PTGDS: variants seen among roughly 807,000 people sequenced by gnomAD.
PTGDS encodes prostaglandin D2 synthase.
A neutral mutation model predicts 28.4 loss-of-function variants in PTGDS; 21 were observed. The observed-to-expected ratio is 0.74, with a 90% CI of 0.52 to 1.07. The LOEUF (loss-of-function observed/expected upper bound fraction) is 1.07, where lower values mean the gene tolerates loss of function less well. Among genes scored for constraint, PTGDS ranks in the 50% least tolerant of loss-of-function variants. The pLI is 0.00. For missense variants in PTGDS, 243 were observed against 247.7 expected (o/e 0.98, Z 0.13); for synonymous variants, 102 against 106.0 (o/e 0.96, Z 0.23).
At chr9:136,981,028 C>T (rs774729098) in intron 6 of PTGDS, 173 bp downstream of exon 6, 3 of 915,068 alleles carry the variant, frequency 3.3e-6, no homozygotes, top group Non-Finnish European at 4.8e-6. Context: ...TGGGGCTGCC[C>T]ACATTGATGG....
intron 1 of PTGDS, 44 bp downstream of exon 1, chr9:136,977,736 G>C: frequency 6.7e-7 from 1 of 1,484,146 alleles, no homozygotes; most frequent in South Asian, 1.2e-5. Flanking sequence ...ACAGGACCCT[G>C]TCAGGGGAAG....
At chr9:136,979,356 A>T (rs770402190) in intron 3 of PTGDS, 57 bp downstream of exon 3, 9 of 1,586,342 alleles carry the variant, frequency 5.7e-6, no homozygotes. Flanking sequence ...ACTTGCCGGG[A>T]CGACTCTGGG....
chr9:136,978,330 G>T (rs1830399793), intron 1 of PTGDS, among the ~76,000 whole-genome samples: 1 of 151,958 alleles, frequency 6.6e-6, no homozygotes, highest in Non-Finnish European at 1.5e-5. Flanking sequence ...GGGGGCGGAG[G>T]GGCCGAAGCT....
chr9:136,977,572 CAGG>C lies in PTGDS; in HGVS notation c.-4_-2del, dbSNP rs1396363912. 7 of 1,585,546 alleles carry C rather than the reference CAGG, an allele frequency of 4.4e-6. No homozygotes were observed. The highest frequency in any genetic ancestry group is 6.0e-6 in the Non-Finnish European group (7 of 1,164,562). On this transcript the variant is annotated 5_prime_UTR_variant, in exon 1 of 7. Transcript: ENST00000371625. ...CAGGCCCCGGACACCCGCTCTGCTG[CAGG>C]AGAATGGCTACTCATCACACACTGT... is the stretch of plus-strand genomic sequence containing the variant.
chr9:136,980,357 G>C, intron 5 of PTGDS, 73 bp downstream of exon 5: 1 of 1,502,792 alleles, frequency 6.7e-7, no homozygotes, highest in Non-Finnish European at 9.1e-7. Flanking sequence ...CCTGACTGGG[G>C]GAGGCAGAGG....
chr9:136,980,852 A>C lies in PTGDS; in HGVS notation c.570A>C (p.Gln190His). The C allele has an allele frequency of 1.2e-6, 2 of 1,605,946 alleles. No homozygotes were observed. The highest frequency in any genetic ancestry group is 1.7e-6 in the Non-Finnish European group (2 of 1,176,276). ...TGGCAGATAAGTGCATGACGGAACA[A>C]TAGGTGAGCCACTCCATTCATTCAT... ...LPQTDKCMTE[Q>H] The change falls in exon 6 of 7, where the codon CAA becomes CAC. Residue 190 changes from glutamine to histidine, a missense_variant. Gln to His is a conservative substitution (Grantham distance 24). Coordinates refer to ENST00000371625, the MANE Select transcript of PTGDS (RefSeq NM_000954.6).
chr9:136,979,948 T>G lies in PTGDS; in HGVS notation c.334T>G (p.Trp112Gly). ...AGGGTTGTCTCTTGGGTTCCCAGAC[T>G]GGGGCAGCACCTACTCCGTGTCAGT... ...LGSYSYRSPH[W>G]GSTYSVSVVE... Residue 112 changes from tryptophan to glycine, a missense_variant and splice_region_variant, in exon 4 of 7, where the codon TGG becomes GGG. Physicochemically the swap from Trp to Gly is radical, Grantham distance 184 (BLOSUM62 -2). Transcript: ENST00000371625. 1 of 1,613,128 alleles carries G rather than the reference T, an allele frequency of 6.2e-7. No homozygotes were observed. The highest frequency in any genetic ancestry group is 8.5e-7 in the Non-Finnish European group (1 of 1,179,816).
chr9:136,978,493 C>T (rs1397802151), intron 1 of PTGDS, among the ~76,000 whole-genome samples: 1 of 110,748 alleles, frequency 9.0e-6, no homozygotes, highest in African/African-American at 3.5e-5. Flanking sequence ...GCGTGGTCAT[C>T]TCCTGGGGCG....
chr9:136,978,172 C>A (rs1423046833), intron 1 of PTGDS, among the ~76,000 whole-genome samples: 1 of 152,134 alleles, frequency 6.6e-6, no homozygotes, highest in East Asian at 1.9e-4. Context: ...CGGGTCCCCG[C>A]GCCGCGCGCC....
At position 136,979,240 on chromosome 9, in the gene PTGDS, C is replaced by A. The variant is rs778955025; in HGVS notation, c.272C>A (p.Thr91Asn). The change falls in exon 3 of 7, where the codon ACC becomes AAC. Residue 91 changes from threonine (T) to asparagine (N), a missense_variant. Physicochemically the swap from Thr to Asn is moderately conservative, Grantham distance 65. Coordinates refer to ENST00000371625, the MANE Select transcript of PTGDS (RefSeq NM_000954.6). ...ACCTACAGGAAAAACCAGTGTGAGA[C>A]CCGAACCATGCTGCTGCAGCCCGCG... ...STFLRKNQCE[T>N]RTMLLQPAGS... 6.2e-7 allele frequency: 1 copy of A among 1,612,996 alleles called. No homozygotes were observed. The highest frequency in any genetic ancestry group is 8.5e-7 in the Non-Finnish European group (1 of 1,179,846).
At chr9:136,979,533 C>A in intron 3 of PTGDS, 1 of 1,320,362 alleles carries the variant, frequency 7.6e-7, no homozygotes, top group Non-Finnish European at 1.0e-6. Flanking sequence ...ATTGTCTTGT[C>A]AGGCCCCTTC....
At chr9:136,977,735 T>C in intron 1 of PTGDS, 43 bp downstream of exon 1, 2 of 1,488,876 alleles carry the variant, frequency 1.3e-6, no homozygotes, top group Middle Eastern at 1.7e-4. Flanking sequence ...TACAGGACCC[T>C]GTCAGGGGAA....
chr9:136,980,532 T>TG (rs1830436249), intron 5 of PTGDS: 2 of 1,009,438 alleles, frequency 2.0e-6, no homozygotes, highest in Admixed American at 2.9e-5. Context: ...TCCCAGGATG[T>TG]GGGGCTTCAG....
At chr9:136,979,844 G>A (rs972602024) in intron 3 of PTGDS, 102 bp from the exon 4 acceptor site, 95 of 1,130,196 alleles carry the variant, frequency 8.4e-5, no homozygotes, top group Non-Finnish European at 1.2e-4. Context: ...GGCCAGCCGA[G>A]GGGCTGAGTG....
Position 136,979,056 on chromosome 9 carries a change from G to A in PTGDS, c.178G>A (p.Ala60Thr). ...CTCGAGCTGGCTCCGGGAGAAGAAG[G>A]CGGCGTTGTCCATGTGCAAGTCTGT... Reference protein sequence around the residue: ...SNSSWLREKKAALSMCKSVVA... With the variant: ...SNSSWLREKKTALSMCKSVVA... The change falls in exon 2 of 7, where the codon GCG becomes ACG. Residue 60 changes from alanine (A) to threonine (T), a missense_variant. Coordinates refer to ENST00000371625, the MANE Select transcript of PTGDS (RefSeq NM_000954.6). 6.2e-7 allele frequency: 1 copy of A among 1,608,874 alleles called. No individual in the cohort carries two copies. The highest frequency in any genetic ancestry group is 2.2e-5 in the East Asian group (1 of 44,806).
At chr9:136,980,146 C>A in intron 4 of PTGDS, 37 bp from the exon 5 acceptor site, 3 of 1,611,116 alleles carry the variant, frequency 1.9e-6, no homozygotes, top group Non-Finnish European at 2.5e-6. Flanking sequence ...ACAGCATCCC[C>A]CCCGCTGAGG....
chr9:136,979,078 C>T lies in PTGDS; in HGVS notation c.200C>T (p.Ser67Phe). The change falls in exon 2 of 7, where the codon TCT (serine) becomes TTT (phenylalanine). Residue 67 changes from serine (S) to phenylalanine (F), a missense_variant. Ser to Phe is a radical substitution (Grantham distance 155, BLOSUM62 -2). Coordinates refer to ENST00000371625, the MANE Select transcript of PTGDS (RefSeq NM_000954.6). Reference sequence around the variant, plus strand: ...AAGGCGGCGTTGTCCATGTGCAAGTCTGTGGTGGCCCCTGCCACGGATGGT... The same window carrying T: ...AAGGCGGCGTTGTCCATGTGCAAGTTTGTGGTGGCCCCTGCCACGGATGGT... The part of the protein sequence containing the change: ...EKKAALSMCK[S>F]VVAPATDGGL... The T allele has an allele frequency of 6.2e-7, 1 of 1,610,794 alleles. No individual in the cohort carries two copies. Among genetic ancestry groups the T allele is most frequent in the Non-Finnish European group, 8.5e-7 (1 of 1,178,740 alleles).
At position 136,978,881 on chromosome 9, in the gene PTGDS, G is replaced by C; in HGVS notation, c.115-112G>C. ...TGGCTGCTCGGGGGATTGGGCGTGG[G>C]GGCGGGGCCGGGTTGGAGACCGGAG... On this transcript the variant is annotated intron_variant, in intron 1 of 6. Transcript: ENST00000371625. 5 of 1,474,758 alleles carry C rather than the reference G, an allele frequency of 3.4e-6. No individual in the cohort carries two copies. The South Asian group carries it at 6.1e-5, about 18-fold the overall frequency. 91.4% of individuals were successfully genotyped at this position (1,474,758 alleles called of 1,614,324 possible).
chr9:136,979,078 C>G lies in PTGDS; in HGVS notation c.200C>G (p.Ser67Cys). The G allele has an allele frequency of 6.2e-7, 1 of 1,610,794 alleles. No homozygotes were observed. Among genetic ancestry groups the G allele is most frequent in the African/African-American group, 1.3e-5 (1 of 74,962 alleles). Residue 67 changes from serine to cysteine, a missense_variant, in exon 2 of 7, where the codon TCT becomes TGT. Physicochemically the swap from Ser to Cys is moderately radical, Grantham distance 112. Transcript: ENST00000371625. ...EKKAALSMCK[S>C]VVAPATDGGL... is the part of the protein sequence containing the mutation. Reference sequence around the variant, plus strand: ...AAGGCGGCGTTGTCCATGTGCAAGTCTGTGGTGGCCCCTGCCACGGATGGT... The same window carrying G: ...AAGGCGGCGTTGTCCATGTGCAAGTGTGTGGTGGCCCCTGCCACGGATGGT...
Sources: allele counts gnomAD v4.1 joint callset (sites outside exome capture counted in the v4.1 genomes callset), GRCh38; gene constraint gnomAD v4.1.1; transcripts MANE v1.5; gene names NCBI Gene and HGNC (gene_info 2026-07-23, HGNC 2026-07-21).